The following CD163L1 variants were observed in gnomAD, a reference collection of about 807,000 sequenced individuals.
The protein encoded by CD163L1 is CD163 molecule like 1.
A neutral mutation model predicts 165.4 loss-of-function variants in CD163L1; 124 were observed. The observed-to-expected ratio is 0.75, with a 90% CI of 0.65 to 0.87. The LOEUF is 0.87. Ranked by LOEUF, CD163L1 falls within the 40% of genes least tolerant of loss-of-function variation. The pLI is 0.00. For missense variants in CD163L1, 1,525 were observed against 1,799.9 expected (o/e 0.85, Z 2.76); for synonymous variants, 585 against 662.2 (o/e 0.88, Z 1.79).
chr12:7,393,029 T>C (rs1179576282), intron 8 of CD163L1, among the ~76,000 whole-genome samples: 2 of 152,034 alleles, frequency 1.3e-5, no homozygotes, highest in African/African-American at 2.4e-5. Flanking sequence ...CCGAAACTAA[T>C]CTAATCAACA....
chr12:7,387,707 T>C (rs1823279926), intron 8 of CD163L1, among the ~76,000 whole-genome samples: 1 of 152,228 alleles, frequency 6.6e-6, no homozygotes, highest in Admixed American at 6.5e-5. Context: ...GCTTGTTCAG[T>C]ATTCAGACTG....
downstream of CD163L1, among the ~76,000 whole-genome samples, chr12:7,353,002 C>A (rs762707335): frequency 4.0e-5 from 6 of 151,782 alleles, no homozygotes; most frequent in Non-Finnish European, 8.8e-5. Context: ...AGGTACTGGA[C>A]TGAATAGAGA....
chr12:7,420,528 A>G (rs866703783), intron 4 of CD163L1, among the ~76,000 whole-genome samples: 38 of 151,882 alleles, frequency 2.5e-4, no homozygotes, highest in African/African-American at 8.9e-4. Context: ...AACAAACAAT[A>G]CTATCAAAAA....
chr12:7,433,641 T>C lies in CD163L1; in HGVS notation c.178A>G (p.Thr60Ala). 1 of 1,614,070 alleles carries C rather than the reference T, an allele frequency of 6.2e-7. No individual in the cohort carries two copies. Among genetic ancestry groups the C allele is most frequent in the Non-Finnish European group, 8.5e-7 (1 of 1,179,978 alleles). ...TGTCCCTGGAATTTCACCTCCACTG[T>C]CCCAGAGCAGGGACCGTCTCCATTG... is the stretch of plus-strand genomic sequence containing the variant. The part of the protein sequence containing the change: ...LVNGDGPCSG[T>A]VEVKFQGQWG... The change falls in exon 3 of 20, where the codon ACA becomes GCA. Residue 60 changes from threonine to alanine, a missense_variant. Transcript: ENST00000313599.
In CD163L1 at chr12:7,372,506, A is replaced by G. The variant is rs991022545; in HGVS notation, c.3730+814T>C. Among the ~76,000 whole-genome samples, 6 of 152,070 alleles carry G rather than the reference A, an allele frequency of 3.9e-5. No individual in the cohort carries two copies. The highest frequency in any genetic ancestry group is 5.9e-5 in the Non-Finnish European group (4 of 67,944). Reference sequence around the variant, plus strand: ...TCACATGGTTATTTATGTTCACATGATAAAATATTGTATGCCATTTGAAGG... The same window carrying G: ...TCACATGGTTATTTATGTTCACATGGTAAAATATTGTATGCCATTTGAAGG... On this transcript the variant is annotated intron_variant, in intron 14 of 19. Coordinates refer to ENST00000313599, the MANE Select transcript of CD163L1 (RefSeq NM_174941.6). The surrounding 1 kb of genome is among the most constrained non-coding windows in gnomAD (Gnocchi z 4.2).
chr12:7,408,103 T>C (rs886225486), intron 4 of CD163L1, among the ~76,000 whole-genome samples: 1 of 151,984 alleles, frequency 6.6e-6, no homozygotes, highest in African/African-American at 2.4e-5. Context: ...ATCATATATA[T>C]GCCTAGGTCT....
intron 1 of CD163L1, among the ~76,000 whole-genome samples, chr12:7,443,858 T>C (rs1948859285): frequency 6.6e-6 from 1 of 152,176 alleles, no homozygotes; most frequent in Non-Finnish European, 1.5e-5. Flanking sequence ...TAATCTCCAG[T>C]CTTTATAATA....
chr12:7,371,394 T>C (rs916201842), intron 14 of CD163L1, among the ~76,000 whole-genome samples: 1 of 152,186 alleles, frequency 6.6e-6, no homozygotes, highest in African/African-American at 2.4e-5. Flanking sequence ...TTTTATTCCA[T>C]ATACTATTAA....
At position 7,374,193 on chromosome 12, in the gene CD163L1, T is replaced by G. The variant is rs765661968; in HGVS notation, c.3409+249A>C. On this transcript the variant is annotated intron_variant, in intron 13 of 19. Coordinates refer to ENST00000313599, the MANE Select transcript of CD163L1 (RefSeq NM_174941.6). The surrounding 1 kb of genome is among the most constrained non-coding windows in gnomAD (Gnocchi z 5.4). ...GAGTGGATGTCATGTAAGGTCCCTT[T>G]CTTGGGGTCTAACATTCTCTGACAG... 2.7e-4 allele frequency among the ~76,000 whole-genome samples: 41 copies of G among 152,360 alleles called. No individual in the cohort carries two copies. The highest frequency in any genetic ancestry group is 9.4e-4 in the African/African-American group (39 of 41,584).
At chr12:7,408,372 GAC>G (rs1309849783) in intron 4 of CD163L1, among the ~76,000 whole-genome samples, 1 of 151,682 alleles carries the variant, frequency 6.6e-6, no homozygotes, top group African/African-American at 2.4e-5. Context: ...CTCATTGAAA[GAC>G]AGTTAGTCAC....
chr12:7,369,506 C>T lies in CD163L1; in HGVS notation c.3890G>A (p.Arg1297Lys). 6.2e-7 allele frequency: 1 copy of T among 1,614,190 alleles called. No homozygotes were observed. Residue 1297 changes from arginine to lysine, a missense_variant, in exon 15 of 20, where the codon AGG becomes AAG. Transcript: ENST00000313599. This position sits in a 1 kb window ranked among gnomAD's most constrained non-coding sequence, Gnocchi z 4.9. The stretch of plus-strand genomic sequence containing the variant: ...AGTTCCCTGGCCAAACGAAGCGTCC[C>T]TCAGGGCAGCCAGAGCAGAGCCACA... ...LGCGSALAALRDASFGQGTGT... is the reference protein window; with the variant it reads ...LGCGSALAALKDASFGQGTGT...
intron 9 of CD163L1, among the ~76,000 whole-genome samples, chr12:7,378,338 G>GACACACACATAAACACAC (rs1947314510): frequency 6.6e-6 from 1 of 151,672 alleles, no homozygotes; most frequent in Non-Finnish European, 1.5e-5. Flanking sequence ...TGCACACACA[G>GACACACACATAAACACAC]ACACACACAT....
intron 5 of CD163L1, among the ~76,000 whole-genome samples, chr12:7,404,176 C>A (rs939718389): frequency 2.0e-5 from 3 of 151,826 alleles, no homozygotes; most frequent in Non-Finnish European, 2.9e-5. Context: ...CTAAACATTG[C>A]AATAAAAAGC....
intron 18 of CD163L1, among the ~76,000 whole-genome samples, chr12:7,362,160 T>C (rs1302718402): frequency 3.4e-5 from 5 of 146,454 alleles, no homozygotes; most frequent in Non-Finnish European, 7.5e-5. Context: ...TATTTTTATA[T>C]ATTATATATT....
At chr12:7,421,468 T>TACATATATGTACATATATGTACATATAC (rs1413418636) in intron 4 of CD163L1, among the ~76,000 whole-genome samples, 1 of 93,402 alleles carries the variant, frequency 1.1e-5, no homozygotes, top group African/African-American at 6.5e-5. Context: ...TATATACATA[T>TACATATATGTACATATATGTACATATAC]ATATACATAT....
At chr12:7,416,156 T>G (rs1485305060) in intron 4 of CD163L1, among the ~76,000 whole-genome samples, 1 of 152,246 alleles carries the variant, frequency 6.6e-6, no homozygotes, top group Non-Finnish European at 1.5e-5. Flanking sequence ...GGTTTTGGTT[T>G]GCATTTCTCA....
chr12:7,327,176 T>G, the CD163L1 span: 1 of 1,428,224 alleles, frequency 7.0e-7, no homozygotes. Flanking sequence ...TGGATTTTGA[T>G]TTTATAGTAG....
intron 18 of CD163L1, among the ~76,000 whole-genome samples, chr12:7,366,213 GA>G (rs1947017146): frequency 1.3e-5 from 2 of 152,134 alleles, no homozygotes; most frequent in Admixed American, 6.5e-5. Flanking sequence ...CATTAAGATA[GA>G]GTGTAGATTG....
downstream of CD163L1, among the ~76,000 whole-genome samples, chr12:7,350,596 A>G (rs1235369254): frequency 6.6e-6 from 1 of 152,162 alleles, no homozygotes; most frequent in Non-Finnish European, 1.5e-5. Context: ...CAGTTACTCT[A>G]TTAGTAATAC....
Sources: allele counts gnomAD v4.1 joint callset (sites outside exome capture counted in the v4.1 genomes callset), GRCh38; gene constraint gnomAD v4.1.1; non-coding constraint Gnocchi (gnomAD v3.1); transcripts MANE v1.5; gene names NCBI Gene and HGNC (gene_info 2026-07-23, HGNC 2026-07-21).